Variants in MACROD2 observed in about 807,000 individuals in gnomAD.
MACROD2 encodes the protein mono-ADP ribosylhydrolase 2.
MACROD2 carries 36 observed loss-of-function variants against 70.4 expected under a neutral mutation model. The observed-to-expected ratio is 0.51, with a 90% CI of 0.39 to 0.68. MACROD2 has a LOEUF of 0.68. Among genes scored for constraint, MACROD2 ranks in the 30% least tolerant of loss-of-function variants. The pLI, the probability that MACROD2 is intolerant of heterozygous loss-of-function variation, is 0.00. For synonymous variants in MACROD2, 172 were observed against 178.8 expected, an observed-to-expected ratio of 0.96 and a Z score of 0.30; for missense variants, 496 against 538.4, an observed-to-expected ratio of 0.92 and a Z score of 0.78.
At chr20:16,010,218 C>T (rs1433464604) in intron 15 of MACROD2, among the ~76,000 whole-genome samples, 1 of 152,168 alleles carries the variant, frequency 6.6e-6, no homozygotes, top group African/African-American at 2.4e-5. Context: ...GCTAGTGGCG[C>T]ATGTCCTGGT....
At chr20:14,882,445 T>A (rs757492119) in intron 5 of MACROD2, among the ~76,000 whole-genome samples, 1 of 152,210 alleles carries the variant, frequency 6.6e-6, no homozygotes, top group Non-Finnish European at 1.5e-5. Context: ...GTTTTATACC[T>A]GTTATGTAAC....
intron 8 of MACROD2, among the ~76,000 whole-genome samples, chr20:15,540,759 C>G (rs115339507): frequency 2.0e-5 from 3 of 152,116 alleles, no homozygotes; most frequent in African/African-American, 7.2e-5. Context: ...AGAATAGAGT[C>G]GGTTCCATCA....
chr20:14,353,409 T>A (rs1304910617), intron 3 of MACROD2, among the ~76,000 whole-genome samples: 2 of 152,144 alleles, frequency 1.3e-5, no homozygotes, highest in Non-Finnish European at 2.9e-5. Flanking sequence ...CTTTTCCATA[T>A]CTCCTACTCC....
chr20:15,193,165 T>A (rs1210094278), intron 5 of MACROD2, among the ~76,000 whole-genome samples: 1 of 152,228 alleles, frequency 6.6e-6, no homozygotes, highest in Non-Finnish European at 1.5e-5. Context: ...TTCTTTTTCT[T>A]TACTTCTTTC....
chr20:15,728,538 CTGGT>C (rs2050897725), intron 8 of MACROD2, among the ~76,000 whole-genome samples: 1 of 151,966 alleles, frequency 6.6e-6, no homozygotes, highest in Non-Finnish European at 1.5e-5. Flanking sequence ...TGGGCTTTTT[CTGGT>C]TGGTAGGCTT....
chr20:15,700,663 T>A (rs989581786), intron 8 of MACROD2, among the ~76,000 whole-genome samples: 24 of 152,222 alleles, frequency 1.6e-4, no homozygotes, highest in African/African-American at 4.1e-4. Flanking sequence ...CTCAATTTTG[T>A]TGTCTTTTAA....
intron 5 of MACROD2, among the ~76,000 whole-genome samples, chr20:14,969,055 A>AAAG (rs1230908964): frequency 6.6e-6 from 1 of 152,038 alleles, no homozygotes; most frequent in Non-Finnish European, 1.5e-5. Context: ...AAGTATGTCA[A>AAAG]AAGAGGGGAA....
chr20:14,193,940 G>A (rs2081409395), intron 3 of MACROD2, among the ~76,000 whole-genome samples: 1 of 152,142 alleles, frequency 6.6e-6, no homozygotes, highest in South Asian at 2.1e-4. Flanking sequence ...AAGGAAGATA[G>A]GGATGAAAAT....
At chr20:14,737,856 G>A (rs1432748354) in intron 5 of MACROD2, among the ~76,000 whole-genome samples, 1 of 152,088 alleles carries the variant, frequency 6.6e-6, no homozygotes, top group Non-Finnish European at 1.5e-5. Context: ...TTAGCCCTTT[G>A]TCAGATGGAT....
At chr20:14,956,293 G>A (rs1021942216) in intron 5 of MACROD2, among the ~76,000 whole-genome samples, 6 of 151,968 alleles carry the variant, frequency 3.9e-5, no homozygotes, top group African/African-American at 7.3e-5. Flanking sequence ...AATGACGAAT[G>A]CTTCTGACAA....
intron 5 of MACROD2, among the ~76,000 whole-genome samples, chr20:15,073,797 T>TA (rs2075637498): frequency 1.3e-5 from 2 of 152,148 alleles, no homozygotes; most frequent in South Asian, 2.1e-4. Context: ...AAGCTGACTA[T>TA]AAAAAATAAC....
chr20:15,171,780 C>T (rs1312690957), intron 5 of MACROD2, among the ~76,000 whole-genome samples: 2 of 152,136 alleles, frequency 1.3e-5, no homozygotes, highest in Admixed American at 1.3e-4. Flanking sequence ...TTCTGAAATC[C>T]TTCCTGACAT....
At chr20:15,901,839 T>C (rs1028196671) in intron 10 of MACROD2, among the ~76,000 whole-genome samples, 3 of 152,220 alleles carry the variant, frequency 2.0e-5, no homozygotes, top group Admixed American at 2.0e-4. Flanking sequence ...AGCTTGCCAC[T>C]GAGACAGTCA....
chr20:14,039,137 T>G (rs932011779), intron 2 of MACROD2, among the ~76,000 whole-genome samples: 4 of 152,194 alleles, frequency 2.6e-5, no homozygotes, highest in Non-Finnish European at 4.4e-5. Context: ...GGTGGAAATA[T>G]TAAGTACTTT....
At chr20:14,556,922 C>G (rs79528315) in intron 4 of MACROD2, among the ~76,000 whole-genome samples, 6,219 of 151,950 alleles carry the variant, frequency 0.041, 165 homozygotes, top group African/African-American at 0.067. Context: ...ATAGTTTAAA[C>G]AGTTTTGAAA....
intron 6 of MACROD2, among the ~76,000 whole-genome samples, chr20:15,276,944 C>G: frequency 6.6e-6 from 1 of 152,342 alleles, no homozygotes; most frequent in Admixed American, 6.5e-5. Context: ...TCTTGTAACA[C>G]ATTTATTACC....
intron 5 of MACROD2, among the ~76,000 whole-genome samples, chr20:15,096,551 G>A (rs541115807): frequency 5.5e-5 from 8 of 145,662 alleles, no homozygotes; most frequent in African/African-American, 1.3e-4. Context: ...TCACTCTGTC[G>A]CCCAGGCTGG....
At chr20:15,636,316 C>T (rs2049368640) in intron 8 of MACROD2, among the ~76,000 whole-genome samples, 2 of 152,102 alleles carry the variant, frequency 1.3e-5, no homozygotes, top group South Asian at 4.1e-4. Flanking sequence ...AGAATATGTG[C>T]ACCCTTGAGA....
intron 6 of MACROD2, among the ~76,000 whole-genome samples, chr20:15,414,621 G>T (rs73269083): frequency 1.3e-5 from 2 of 152,150 alleles, no homozygotes; most frequent in Non-Finnish European, 2.9e-5. Context: ...CAAGTATAGA[G>T]CACACGCTTC....
Sources: gnomAD v4.1 joint callset for allele counts (sites outside exome capture counted in the v4.1 genomes callset) on GRCh38, gnomAD v4.1.1 for gene constraint, MANE v1.5 for transcripts, NCBI Gene and HGNC (gene_info 2026-07-23, HGNC 2026-07-21) for gene names.